VGLL3: variants seen among roughly 807,000 people sequenced by gnomAD.
VGLL3 encodes transcription cofactor vestigial-like protein 3.
Under a neutral mutation model 29.2 loss-of-function variants are expected in VGLL3, and 18 were observed. That is an observed-to-expected ratio of 0.62 (90% confidence interval 0.43 to 0.91). VGLL3 has a LOEUF of 0.91. VGLL3 is among the 40% of genes least tolerant of loss of function. The pLI is 0.00. For synonymous variants in VGLL3, 180 were observed against 151.8 expected (o/e 1.19, Z -1.36); for missense variants, 440 against 413.2 (o/e 1.06, Z -0.56).
intron 3 of VGLL3, among the ~76,000 whole-genome samples, chr3:86,959,605 C>A (rs1704797018): frequency 6.6e-6 from 1 of 151,976 alleles, no homozygotes; most frequent in Non-Finnish European, 1.5e-5. Context: ...CATTGTAAAG[C>A]CTGGAATTGG....
intron 3 of VGLL3, among the ~76,000 whole-genome samples, chr3:86,968,001 G>T (rs1280239582): frequency 6.6e-6 from 1 of 151,982 alleles, no homozygotes; most frequent in Non-Finnish European, 1.5e-5. Context: ...GAGGAACAAA[G>T]GAGGAGGAAT....
At chr3:86,988,395 C>G (rs1035494116) in intron 1 of VGLL3, among the ~76,000 whole-genome samples, 8 of 151,388 alleles carry the variant, frequency 5.3e-5, no homozygotes, top group African/African-American at 1.9e-4. Flanking sequence ...CAAAAACAAC[C>G]AAAATATGTA....
chr3:86,958,210 C>T (rs1231251009), intron 3 of VGLL3, among the ~76,000 whole-genome samples: 2 of 151,850 alleles, frequency 1.3e-5, no homozygotes, highest in African/African-American at 4.8e-5. Flanking sequence ...CATTTTTGTA[C>T]ACATATCATA....
chr3:86,977,452 T>A (rs868411793), intron 2 of VGLL3, among the ~76,000 whole-genome samples: 1 of 152,142 alleles, frequency 6.6e-6, no homozygotes, highest in East Asian at 1.9e-4. Flanking sequence ...TTCCTCATGA[T>A]AGGAATTACC....
At chr3:86,958,490 C>T (rs891455701) in intron 3 of VGLL3, among the ~76,000 whole-genome samples, 5 of 152,164 alleles carry the variant, frequency 3.3e-5, no homozygotes, top group Non-Finnish European at 5.9e-5. Context: ...GCACCTGTTC[C>T]ACCAAGTAGG....
intron 1 of VGLL3, among the ~76,000 whole-genome samples, chr3:86,980,564 G>A (rs1187355552): frequency 6.6e-6 from 1 of 151,986 alleles, no homozygotes; most frequent in Non-Finnish European, 1.5e-5. Context: ...ATCTACCTCT[G>A]CACAGATTTG....
chr3:86,954,469 A>T (rs1187823176), intron 3 of VGLL3, among the ~76,000 whole-genome samples: 1 of 152,148 alleles, frequency 6.6e-6, no homozygotes, highest in Non-Finnish European at 1.5e-5. Flanking sequence ...AGCGACATCC[A>T]CTTCCTCAGA....
At chr3:86,954,902 C>CAAAAAAAAAAAAA (rs879461102) in intron 3 of VGLL3, among the ~76,000 whole-genome samples, 26 of 128,120 alleles carry the variant, frequency 2.0e-4, no homozygotes, top group African/African-American at 7.1e-4. Flanking sequence ...GGAGCAAAAC[C>CAAAAAAAAAAAAA]AAAAAAAAAA....
chr3:86,947,110 C>A, intron 3 of VGLL3, 43 bp from the exon 4 acceptor site: 1 of 778,542 alleles, frequency 1.3e-6, no homozygotes. Flanking sequence ...AACATTAATA[C>A]ATATGGTACC....
chr3:86,974,304 A>T (rs1244002067), intron 2 of VGLL3, among the ~76,000 whole-genome samples: 1 of 152,014 alleles, frequency 6.6e-6, no homozygotes, highest in Non-Finnish European at 1.5e-5. Flanking sequence ...TTTTTAGTAG[A>T]GATGGGGTTT....
chr3:86,959,236 T>C (rs1417535486), intron 3 of VGLL3, among the ~76,000 whole-genome samples: 1 of 152,186 alleles, frequency 6.6e-6, no homozygotes, highest in Non-Finnish European at 1.5e-5. Flanking sequence ...AACTGTCATT[T>C]TACCTGCCTA....
chr3:86,965,788 C>T (rs997264844), intron 3 of VGLL3, among the ~76,000 whole-genome samples: 15 of 152,126 alleles, frequency 9.9e-5, no homozygotes, highest in Admixed American at 2.0e-4. Flanking sequence ...CCAGGCAGAA[C>T]AGTTATGAAG....
At chr3:86,981,334 C>T (rs1032834842) in intron 1 of VGLL3, among the ~76,000 whole-genome samples, 43 of 151,778 alleles carry the variant, frequency 2.8e-4, no homozygotes, top group Non-Finnish European at 4.1e-4. Context: ...ACCAATTTTT[C>T]AATGGTTGGA....
rs1199206371 is a variant in VGLL3 at position 86,990,679 on chromosome 3, G to T, written c.65C>A (p.Pro22His). The part of the protein sequence containing the change: ...PYGASQYLPN[P>H]MAATTCPTAY... ...TGTGGGGCAGGTTGTCGCTGCCATG[G>T]GGTTGGGCAGATACTGGGACGCTCC... The change falls in exon 1 of 4, where the codon CCC becomes CAC. Residue 22 changes from proline to histidine, a missense_variant. Physicochemically the swap from Pro to His is moderately conservative, Grantham distance 77. Transcript: ENST00000398399. 1 of 1,423,664 alleles carries T rather than the reference G, an allele frequency of 7.0e-7. No homozygotes were observed. The highest frequency in any genetic ancestry group is 9.2e-7 in the Non-Finnish European group (1 of 1,087,316). 88.2% of individuals were successfully genotyped at this position (1,423,664 alleles called of 1,614,324 possible). A position where few individuals can be genotyped will look rare whatever the true frequency, so the allele number is the denominator to read the frequency against.
intron 3 of VGLL3, among the ~76,000 whole-genome samples, chr3:86,966,573 A>T (rs1009166013): frequency 6.6e-6 from 1 of 151,392 alleles, no homozygotes; most frequent in Non-Finnish European, 1.5e-5. Context: ...ACCTAATTTT[A>T]TCTGATTTAC....
At chr3:86,949,642 C>T (rs1315363367) in intron 3 of VGLL3, among the ~76,000 whole-genome samples, 4 of 151,516 alleles carry the variant, frequency 2.6e-5, no homozygotes, top group Non-Finnish European at 5.9e-5. Flanking sequence ...CTGGCTAACA[C>T]GGTGAAACCC....
intron 1 of VGLL3, among the ~76,000 whole-genome samples, chr3:86,985,312 T>C (rs1575881681): frequency 6.6e-6 from 1 of 152,356 alleles, no homozygotes; most frequent in Non-Finnish European, 1.5e-5. Context: ...GCACTTCGTT[T>C]ATCTGTCTTC....
chr3:86,940,771 T>A lies in VGLL3; in HGVS notation c.*6253A>T, dbSNP rs1431517311. The stretch of plus-strand genomic sequence containing the variant: ...AGAGTGAATAGAAATAAGAAAATGT[T>A]TTCCCAACCCCACAAAAACAGAAAA... On this transcript the variant is annotated 3_prime_UTR_variant, in exon 4 of 4. Transcript: ENST00000398399. 1.3e-5 allele frequency: 2 copies of A among 151,926 alleles called. No homozygotes were observed. The highest frequency in any genetic ancestry group is 4.8e-5 in the African/African-American group (2 of 41,426). The allele number at this position is 151,926 out of a possible 1,614,324, so 9.4% of individuals were successfully genotyped here.
chr3:86,970,829 C>T (rs1399074858), intron 2 of VGLL3, among the ~76,000 whole-genome samples: 3 of 152,166 alleles, frequency 2.0e-5, no homozygotes, highest in Non-Finnish European at 4.4e-5. Context: ...GATCCTAGGT[C>T]TTACCCTATC....
Sources: allele counts gnomAD v4.1 joint callset (sites outside exome capture counted in the v4.1 genomes callset), GRCh38; gene constraint gnomAD v4.1.1; transcripts MANE v1.5; gene names NCBI Gene and HGNC (gene_info 2026-07-23, HGNC 2026-07-21).